The following ZNF470 variants were observed in gnomAD, a reference collection of about 807,000 sequenced individuals.
The protein encoded by ZNF470 is zinc finger protein 470.
In ZNF470, 13 loss-of-function variants were observed where a neutral mutation model predicts 13.9. The observed-to-expected ratio is 0.94, with a 90% confidence interval of 0.61 to 1.49. ZNF470 has a LOEUF of 1.49. Among genes scored for constraint, ZNF470 ranks in the 40% most tolerant of loss-of-function variants. The pLI is 0.00. For synonymous variants in ZNF470, 293 were observed against 282.9 expected (o/e 1.04, Z -0.36); for missense variants, 929 against 857.3 (o/e 1.08, Z -1.04).
chr19:56,578,131 A>G lies in ZNF470; in HGVS notation c.1702A>G (p.Ile568Val), dbSNP rs1248441358. 2 of 1,613,994 alleles carry G rather than the reference A, an allele frequency of 1.2e-6. No individual in the cohort carries two copies. The highest frequency in any genetic ancestry group is 1.7e-5 in the Admixed American group (1 of 59,986). Reference protein sequence around the residue: ...VHTGEKPYECIECGKAFSDGS... With the variant: ...VHTGEKPYECVECGKAFSDGS... ...TACTGGTGAGAAGCCTTACGAATGT[A>G]TTGAATGTGGGAAGGCCTTTAGTGA... Residue 568 changes from isoleucine (I) to valine (V), a missense_variant, in exon 6 of 6, where the codon ATT becomes GTT. Transcript: ENST00000330619.
chr19:56,576,987 A>G lies in ZNF470; in HGVS notation c.558A>G (p.Leu186=), dbSNP rs748407991. 1.3e-6 allele frequency: 2 copies of G among 1,588,438 alleles called. No homozygotes were observed. Among genetic ancestry groups the G allele is most frequent in the Non-Finnish European group, 1.7e-6 (2 of 1,172,234 alleles). ...KSGTVFHLNT[L]SYIKQIFPME... is the part of the protein sequence containing the mutation. ...GGACAGTTTTTCATCTGAATACATT[A>G]TCTTATATAAAACAGATTTTTCCCA... Residue 186 remains leucine, a synonymous_variant, in exon 6 of 6, where the codon TTA becomes TTG. Transcript: ENST00000330619.
Position 56,580,964 on chromosome 19 carries a change from A to G in ZNF470, c.*2381A>G. 1.0e-6 allele frequency: 1 copy of G among 984,916 alleles called. No individual in the cohort carries two copies. The highest frequency in any genetic ancestry group is 1.2e-6 in the Non-Finnish European group (1 of 829,442). 61.0% of individuals were successfully genotyped at this position (984,916 alleles called of 1,614,324 possible). A position where few individuals can be genotyped will look rare whatever the true frequency, so the allele number is the denominator to read the frequency against. On this transcript the variant is annotated 3_prime_UTR_variant, in exon 6 of 6. Coordinates refer to ENST00000330619, the MANE Select transcript of ZNF470 (RefSeq NM_001001668.4). ...ATATTAAAGGTCTAAATGTAAAATT[A>G]AAGTACATGAAAAACAGAATAATAT...
chr19:56,574,477 C>G lies in ZNF470; in HGVS notation c.144C>G (p.Tyr48Ter). Residue 48 changes from tyrosine (Y) to a stop codon, truncating the protein, a stop_gained, in exon 4 of 6, where the codon TAC becomes TAG. Coordinates refer to ENST00000330619, the MANE Select transcript of ZNF470 (RefSeq NM_001001668.4). LOFTEE classifies it high-confidence loss of function. ...EWLNLAQRSLYKKVMLENYRN... is the reference protein window; with the variant it reads ...EWLNLAQRSL Reference sequence around the variant, plus strand: ...TGAATCTTGCTCAGAGAAGTTTGTACAAGAAGGTGATGTTAGAAAACTACA... The same window carrying G: ...TGAATCTTGCTCAGAGAAGTTTGTAGAAGAAGGTGATGTTAGAAAACTACA... 1 of 1,613,870 alleles carries G rather than the reference C, an allele frequency of 6.2e-7. No individual in the cohort carries two copies. Among genetic ancestry groups the G allele is most frequent in the Non-Finnish European group, 8.5e-7 (1 of 1,179,796 alleles).
Position 56,579,092 on chromosome 19 carries a change from T to G in ZNF470, c.*509T>G. 5.1e-6 allele frequency: 5 copies of G among 985,618 alleles called. No homozygotes were observed. Among genetic ancestry groups the G allele is most frequent in the Non-Finnish European group, 6.0e-6 (5 of 830,058 alleles). 61.1% of individuals were successfully genotyped at this position (985,618 alleles called of 1,614,324 possible). On this transcript the variant is annotated 3_prime_UTR_variant, in exon 6 of 6. Transcript: ENST00000330619. Reference sequence around the variant, plus strand: ...CATTGTTGATGAGCAACTCTCACTTTACCTGACACTGAGAAGTGAGAATCA... The same window carrying G: ...CATTGTTGATGAGCAACTCTCACTTGACCTGACACTGAGAAGTGAGAATCA...
In ZNF470 at chr19:56,579,602, A is replaced by T; in HGVS notation, c.*1019A>T. The T allele has an allele frequency of 1.0e-6, 1 of 985,478 alleles. No homozygotes were observed. The highest frequency in any genetic ancestry group is 1.2e-6 in the Non-Finnish European group (1 of 829,938). The allele number at this position is 985,478 out of a possible 1,614,324, so 61.0% of individuals were successfully genotyped here. ...CCACAGACAATTCGTGTGGTATTTA[A>T]ATTGTTCTAGCATAAAATAAAATGC... On this transcript the variant is annotated 3_prime_UTR_variant, in exon 6 of 6. Coordinates refer to ENST00000330619, the MANE Select transcript of ZNF470 (RefSeq NM_001001668.4).
chr19:56,581,911 T>A lies in ZNF470; in HGVS notation c.*3328T>A. ...TGCAGTTATTCTTTTGATTGGTCCTTGGAACCACCCTGGTTTTTGTACTTT... is the reference window on the plus strand; with the variant it reads ...TGCAGTTATTCTTTTGATTGGTCCTAGGAACCACCCTGGTTTTTGTACTTT... On this transcript the variant is annotated 3_prime_UTR_variant, in exon 6 of 6. Transcript: ENST00000330619. 1 of 985,462 alleles carries A rather than the reference T, an allele frequency of 1.0e-6. No homozygotes were observed. The highest frequency in any genetic ancestry group is 1.2e-6 in the Non-Finnish European group (1 of 829,934). 61.0% of individuals were successfully genotyped at this position (985,462 alleles called of 1,614,324 possible).
Position 56,577,671 on chromosome 19 carries a change from G to T in ZNF470, c.1242G>T (p.Gln414His). The part of the protein sequence containing the change: ...KAFTDHIGLI[Q>H]HKRTHTGERP... The stretch of plus-strand genomic sequence containing the variant: ...TCACTGATCACATAGGACTTATTCA[G>T]CATAAGAGAACTCATACTGGAGAGA... The change falls in exon 6 of 6, where the codon CAG becomes CAT. Residue 414 changes from glutamine to histidine, a missense_variant. Physicochemically the swap from Gln to His is conservative, Grantham distance 24 (BLOSUM62 0). Transcript: ENST00000330619. 1 of 1,610,806 alleles carries T rather than the reference G, an allele frequency of 6.2e-7. No homozygotes were observed.
In ZNF470 at chr19:56,581,060, T is replaced by C. The variant is rs2044531771; in HGVS notation, c.*2477T>C. 1.0e-6 allele frequency: 1 copy of C among 985,126 alleles called. No homozygotes were observed. The highest frequency in any genetic ancestry group is 6.1e-5 in the Admixed American group (1 of 16,266). 61.0% of individuals were successfully genotyped at this position (985,126 alleles called of 1,614,324 possible). ...CCCCAAAGCTGACATTAGGCTTTTA[T>C]ATGGTGGAAAACATCATAGTCAATA... On this transcript the variant is annotated 3_prime_UTR_variant, in exon 6 of 6. Coordinates refer to ENST00000330619, the MANE Select transcript of ZNF470 (RefSeq NM_001001668.4).
At position 56,577,819 on chromosome 19, in the gene ZNF470, C is replaced by T; in HGVS notation, c.1390C>T (p.His464Tyr). ...ECNICEKAFS[H>Y]RGSLTLHQRV... The stretch of plus-strand genomic sequence containing the variant: ...CAATATCTGTGAGAAAGCCTTCAGC[C>T]ATCGTGGGTCTCTTACTCTTCATCA... Residue 464 changes from histidine (H) to tyrosine (Y), a missense_variant, in exon 6 of 6, where the codon CAT becomes TAT. Coordinates refer to ENST00000330619, the MANE Select transcript of ZNF470 (RefSeq NM_001001668.4). The T allele has an allele frequency of 6.2e-7, 1 of 1,613,800 alleles. No individual in the cohort carries two copies. The highest frequency in any genetic ancestry group is 8.5e-7 in the Non-Finnish European group (1 of 1,179,954).
At position 56,579,507 on chromosome 19, in the gene ZNF470, AAACTT is replaced by A; in HGVS notation, c.*925_*929del. 6 of 985,446 alleles carry A rather than the reference AAACTT, an allele frequency of 6.1e-6. No homozygotes were observed. The highest frequency in any genetic ancestry group is 7.2e-6 in the Non-Finnish European group (6 of 829,936). 61.0% of individuals were successfully genotyped at this position (985,446 alleles called of 1,614,324 possible). On this transcript the variant is annotated 3_prime_UTR_variant, in exon 6 of 6. Transcript: ENST00000330619. ...GTAAACCAAAAGTAACAAGCCAAAA[AAACTT>A]GAATAGATTAATAGCCATGAAACAC...
chr19:56,574,876 C>T (rs2044478638), intron 5 of ZNF470, 143 bp downstream of exon 5: 1 of 686,030 alleles, frequency 1.5e-6, no homozygotes, highest in Admixed American at 3.0e-5. Context: ...ATTCTCTTCC[C>T]TACTAGTGTA....
At chr19:56,576,641 A>G in intron 5 of ZNF470, 72 bp from the exon 6 acceptor site, 6 of 1,269,122 alleles carry the variant, frequency 4.7e-6, no homozygotes, top group Non-Finnish European at 6.2e-6. Flanking sequence ...TGTGATTCAC[A>G]TTTTCATTTT....
chr19:56,576,925 A>G lies in ZNF470; in HGVS notation c.496A>G (p.Thr166Ala). 1 of 1,579,464 alleles carries G rather than the reference A, an allele frequency of 6.3e-7. No homozygotes were observed. Among genetic ancestry groups the G allele is most frequent in the Non-Finnish European group, 8.6e-7 (1 of 1,168,280 alleles). ...FRQETITHID[T>A]LIEKRDHSNK... ...GCAAGAGACCATCACTCATATAGAT[A>G]CTCTTATTGAAAAAAGAGATCACTC... Residue 166 changes from threonine (T) to alanine (A), a missense_variant, in exon 6 of 6, where the codon ACT becomes GCT. Transcript: ENST00000330619.
chr19:56,577,738 G>T lies in ZNF470; in HGVS notation c.1309G>T (p.Gly437Cys). The change falls in exon 6 of 6, where the codon GGC becomes TGC. Residue 437 changes from glycine (G) to cysteine (C), a missense_variant. Gly to Cys is a radical substitution (Grantham distance 159). Transcript: ENST00000330619. Reference protein sequence around the residue: ...CNVCGKAFSHGSSLTVHQRIH... With the variant: ...CNVCGKAFSHCSSLTVHQRIH... ...TGTGTGTGGGAAGGCTTTTAGCCAT[G>T]GCTCATCTCTGACAGTACATCAGAG... The T allele has an allele frequency of 6.2e-7, 1 of 1,613,464 alleles. No homozygotes were observed. The highest frequency in any genetic ancestry group is 8.5e-7 in the Non-Finnish European group (1 of 1,179,760).
chr19:56,580,102 TA>T lies in ZNF470; in HGVS notation c.*1525del, dbSNP rs1568497390. ...ATATGTCCCATAAAGAGAAATGATA[TA>T]AAAAAGAAGCTAGGGAGTGCTGGAT... On this transcript the variant is annotated 3_prime_UTR_variant, in exon 6 of 6. Transcript: ENST00000330619. 4 of 964,008 alleles carry T rather than the reference TA, an allele frequency of 4.1e-6. No individual in the cohort carries two copies. The highest frequency in any genetic ancestry group is 4.9e-6 in the Non-Finnish European group (4 of 810,666). The allele number at this position is 964,008 out of a possible 1,614,324, so 59.7% of individuals were successfully genotyped here.
intron 3 of ZNF470, among the ~76,000 whole-genome samples, chr19:56,570,847 A>G (rs1423226919): frequency 1.3e-5 from 2 of 152,150 alleles, no homozygotes; most frequent in African/African-American, 2.4e-5. Context: ...AATAGCCCAT[A>G]TGATGTCTTT....
rs2044503164 is a variant in ZNF470, at chr19:56,577,845, G to C, written c.1416G>C (p.Gln472His). The C allele has an allele frequency of 6.2e-7, 1 of 1,613,686 alleles. No homozygotes were observed. Among genetic ancestry groups the C allele is most frequent in the Non-Finnish European group, 8.5e-7 (1 of 1,179,886 alleles). The change falls in exon 6 of 6, where the codon CAG (glutamine) becomes CAC (histidine). Residue 472 changes from glutamine (Q) to histidine (H), a missense_variant. Coordinates refer to ENST00000330619, the MANE Select transcript of ZNF470 (RefSeq NM_001001668.4). ...ATCGTGGGTCTCTTACTCTTCATCA[G>C]AGAGTTCATACTGGAGAGAAACCCT... ...FSHRGSLTLH[Q>H]RVHTGEKPYE...
At chr19:56,569,938 A>G (rs1211986119) in intron 2 of ZNF470, among the ~76,000 whole-genome samples, 1 of 152,186 alleles carries the variant, frequency 6.6e-6, no homozygotes, top group Non-Finnish European at 1.5e-5. Flanking sequence ...ACAGTGAGCT[A>G]TGATCACGTC....
chr19:56,581,965 T>C lies in ZNF470; in HGVS notation c.*3382T>C, dbSNP rs2044539455. ...AGTCTGTGATTCCTCAAACTACCCATTGTCTTTCCGGTACTTGATTTTTGC... is the reference window on the plus strand; with the variant it reads ...AGTCTGTGATTCCTCAAACTACCCACTGTCTTTCCGGTACTTGATTTTTGC... On this transcript the variant is annotated 3_prime_UTR_variant, in exon 6 of 6. Coordinates refer to ENST00000330619, the MANE Select transcript of ZNF470 (RefSeq NM_001001668.4). The C allele has an allele frequency of 6.1e-6, 6 of 985,402 alleles. No homozygotes were observed. Among genetic ancestry groups the C allele is most frequent in the Non-Finnish European group, 7.2e-6 (6 of 829,930 alleles). The allele number at this position is 985,402 out of a possible 1,614,324, so 61.0% of individuals were successfully genotyped here. A position where few individuals can be genotyped will look rare whatever the true frequency, so the allele number is the denominator to read the frequency against.
Sources: gnomAD v4.1 joint callset for allele counts (sites outside exome capture counted in the v4.1 genomes callset) on GRCh38, gnomAD v4.1.1 for gene constraint, MANE v1.5 for transcripts, NCBI Gene and HGNC (gene_info 2026-07-23, HGNC 2026-07-21) for gene names.